RSU1: variants seen among roughly 807,000 people sequenced by gnomAD.
The protein encoded by RSU1 is rsu-1.
In RSU1, 26 loss-of-function variants were observed where a neutral mutation model predicts 31.1. The ratio of observed to expected loss-of-function variants is 0.84; its 90% CI spans 0.61 to 1.16. RSU1 has a LOEUF of 1.16. Ranked by LOEUF, RSU1 falls within the 50% of genes most tolerant of loss-of-function variation. RSU1 has a pLI of 0.00. For synonymous variants in RSU1, 164 were observed against 136.3 expected (o/e 1.20, Z -1.41); for missense variants, 320 against 339.1 (o/e 0.94, Z 0.44).
chr10:16,704,171 T>C (rs970615172), intron 7 of RSU1, among the ~76,000 whole-genome samples: 5 of 152,192 alleles, frequency 3.3e-5, no homozygotes, highest in African/African-American at 1.2e-4. Flanking sequence ...GAAATCTGAA[T>C]TTTTAGATAC....
At chr10:16,687,026 GCA>G (rs1490300795) in intron 8 of RSU1, among the ~76,000 whole-genome samples, 1 of 152,200 alleles carries the variant, frequency 6.6e-6, no homozygotes, top group Non-Finnish European at 1.5e-5. Flanking sequence ...TCCCAGGCAA[GCA>G]CAGAGTGCTG....
At chr10:16,744,950 C>A (rs1307747732) in intron 7 of RSU1, among the ~76,000 whole-genome samples, 4 of 152,094 alleles carry the variant, frequency 2.6e-5, no homozygotes, top group African/African-American at 9.7e-5. Context: ...AGGATAATTC[C>A]CAGCCTTTCT....
intron 8 of RSU1, among the ~76,000 whole-genome samples, chr10:16,597,181 G>T (rs1019034431): frequency 6.6e-6 from 1 of 152,182 alleles, no homozygotes; most frequent in South Asian, 2.1e-4. Context: ...GCCCTGCTTC[G>T]AGTCAAGTGT....
intron 7 of RSU1, among the ~76,000 whole-genome samples, chr10:16,716,903 C>A (rs1422017138): frequency 1.3e-5 from 2 of 152,150 alleles, no homozygotes; most frequent in African/African-American, 4.8e-5. Context: ...TCTTAATATT[C>A]ATCTTAAGAA....
chr10:16,715,369 G>A (rs1836119698), intron 7 of RSU1, among the ~76,000 whole-genome samples: 1 of 152,184 alleles, frequency 6.6e-6, no homozygotes, highest in Non-Finnish European at 1.5e-5. Context: ...TAGCCAAGAA[G>A]TCATCTTAAA....
chr10:16,622,556 C>T (rs572329940), intron 8 of RSU1, among the ~76,000 whole-genome samples: 1 of 152,246 alleles, frequency 6.6e-6, no homozygotes, highest in Non-Finnish European at 1.5e-5. Flanking sequence ...TACACACACA[C>T]ATACACACAG....
intron 7 of RSU1, among the ~76,000 whole-genome samples, chr10:16,722,857 T>C (rs1315792179): frequency 1.5e-5 from 2 of 132,808 alleles, no homozygotes; most frequent in African/African-American, 2.7e-5. Flanking sequence ...TACACACATA[T>C]ATACATATAT....
At chr10:16,794,734 A>T (rs1214421357) in intron 2 of RSU1, among the ~76,000 whole-genome samples, 1 of 152,248 alleles carries the variant, frequency 6.6e-6, no homozygotes, top group South Asian at 2.1e-4. Context: ...CAAACTGGAA[A>T]ATTATTATTG....
chr10:16,710,065 A>G (rs1454451841), intron 7 of RSU1, among the ~76,000 whole-genome samples: 2 of 152,192 alleles, frequency 1.3e-5, no homozygotes, highest in Non-Finnish European at 2.9e-5. Context: ...GTTGAACAGA[A>G]GTAGCAGAAG....
At chr10:16,597,969 T>C (rs1257758655) in intron 8 of RSU1, among the ~76,000 whole-genome samples, 3 of 152,250 alleles carry the variant, frequency 2.0e-5, no homozygotes, top group Admixed American at 6.5e-5. Flanking sequence ...GATGTGGCTA[T>C]GGCAGTGGCG....
At chr10:16,758,137 C>A (rs1316042065) in intron 4 of RSU1, among the ~76,000 whole-genome samples, 3 of 151,600 alleles carry the variant, frequency 2.0e-5, no homozygotes, top group African/African-American at 7.3e-5. Flanking sequence ...CAGTAAGTAA[C>A]AGTGGTAGGC....
chr10:16,756,557 C>G (rs941886373), intron 4 of RSU1, among the ~76,000 whole-genome samples: 5 of 152,170 alleles, frequency 3.3e-5, no homozygotes, highest in African/African-American at 1.2e-4. Flanking sequence ...CTTTCTTTTC[C>G]TTACGACTTT....
At chr10:16,693,029 C>A (rs1021156283) in intron 8 of RSU1, among the ~76,000 whole-genome samples, 1 of 152,164 alleles carries the variant, frequency 6.6e-6, no homozygotes, top group Non-Finnish European at 1.5e-5. Flanking sequence ...GTGGCACGAT[C>A]TCAGCTCACT....
At chr10:16,771,864 T>C (rs1362922986) in intron 3 of RSU1, among the ~76,000 whole-genome samples, 2 of 152,256 alleles carry the variant, frequency 1.3e-5, no homozygotes, top group African/African-American at 4.8e-5. Flanking sequence ...TAAAAGGTTC[T>C]ACATGTTCCT....
chr10:16,683,055 T>C lies in RSU1; in HGVS notation c.731+11968A>G, dbSNP rs557169694. 2.6e-4 allele frequency among the ~76,000 whole-genome samples: 40 copies of C among 152,234 alleles called. No individual in the cohort carries two copies. In the South Asian group the frequency reaches 7.9e-3, roughly 30 times the overall value. On this transcript the variant is annotated intron_variant, in intron 8 of 8. Transcript: ENST00000345264. ...GGGTCCATTCTTAAAAGATTAACAA[T>C]AACAGACCCCTCTGCCATTCCTTAC...
chr10:16,715,085 G>T (rs1321114434), intron 7 of RSU1, among the ~76,000 whole-genome samples: 1 of 152,224 alleles, frequency 6.6e-6, no homozygotes, highest in East Asian at 1.9e-4. Flanking sequence ...TGTCCATGGT[G>T]CTGTCCTGGC....
At chr10:16,765,611 G>A (rs1837298712) in intron 3 of RSU1, among the ~76,000 whole-genome samples, 1 of 152,218 alleles carries the variant, frequency 6.6e-6, no homozygotes, top group Non-Finnish European at 1.5e-5. Context: ...TCCATAGACT[G>A]TAATTCATCT....
chr10:16,628,508 A>G (rs952535757), intron 8 of RSU1, among the ~76,000 whole-genome samples: 9 of 152,248 alleles, frequency 5.9e-5, no homozygotes, highest in Non-Finnish European at 1.2e-4. Context: ...TGAGGTGTCA[A>G]GTTCACTTAT....
rs59600318 is a variant in RSU1 at position 16,707,570 on chromosome 10, G to GTTT, written c.599-12418_599-12416dup. ...GTAGTTTGCCCATTTTCTTAATCAGGTTTTTTTTTTTTTTGCTGTTATGAT... is the reference window on the plus strand; with the variant it reads ...GTAGTTTGCCCATTTTCTTAATCAGGTTTTTTTTTTTTTTTTTGCTGTTATGAT... On this transcript the variant is annotated intron_variant, in intron 7 of 8. Transcript: ENST00000345264. Among the ~76,000 whole-genome samples, 728 of 142,078 alleles carry GTTT rather than the reference G, an allele frequency of 5.1e-3. 8 individuals are homozygous for GTTT. The highest frequency in any genetic ancestry group is 0.016 in the African/African-American group (636 of 39,006). The allele number at this position is 142,078 out of a possible 152,430, so 93.2% of individuals were successfully genotyped here. A position where few individuals can be genotyped will look rare whatever the true frequency, so the allele number is the denominator to read the frequency against.
Sources: gnomAD v4.1 joint callset for allele counts (sites outside exome capture counted in the v4.1 genomes callset) on GRCh38, gnomAD v4.1.1 for gene constraint, MANE v1.5 for transcripts, NCBI Gene and HGNC (gene_info 2026-07-23, HGNC 2026-07-21) for gene names.